Variants in RORA observed in about 807,000 individuals in gnomAD.
RORA encodes the protein RAR related orphan receptor A, also known as nuclear receptor ROR-alpha.
In RORA, 7 loss-of-function variants were observed where a neutral mutation model predicts 69.5. That is an observed-to-expected ratio of 0.10 (90% confidence interval 0.06 to 0.19). RORA has a LOEUF of 0.19. RORA is among the 10% of genes least tolerant of loss of function. The probability of loss-of-function intolerance (pLI) is 1.00; values close to 1 mark genes in which losing one functional copy is unlikely to be tolerated. For synonymous variants in RORA, 261 were observed against 240.8 expected (o/e 1.08, Z -0.78); for missense variants, 457 against 663.0 (o/e 0.69, Z 3.41).
intron 1 of RORA, among the ~76,000 whole-genome samples, chr15:60,702,071 G>A (rs115592898): frequency 6.6e-6 from 1 of 152,192 alleles, no homozygotes; most frequent in South Asian, 2.1e-4. Context: ...TTATAGCTGA[G>A]AGCACAGGCA....
chr15:60,804,839 G>C (rs1052275635), intron 1 of RORA, among the ~76,000 whole-genome samples: 2 of 152,182 alleles, frequency 1.3e-5, no homozygotes, highest in Admixed American at 1.3e-4. Flanking sequence ...ACAACTCTGT[G>C]ATAATAGCTC....
intron 1 of RORA, among the ~76,000 whole-genome samples, chr15:60,789,677 C>G (rs1387802203): frequency 6.6e-6 from 1 of 152,198 alleles, no homozygotes; most frequent in African/African-American, 2.4e-5. Context: ...AAATATCTAA[C>G]TTTTGCAAAT....
intron 2 of RORA, among the ~76,000 whole-genome samples, chr15:60,560,214 G>A (rs1296954693): frequency 6.6e-6 from 1 of 152,164 alleles, no homozygotes; most frequent in Non-Finnish European, 1.5e-5. Context: ...ACAAAACGCA[G>A]TCCATTTTAT....
chr15:61,163,855 A>G (rs557705156), intron 1 of RORA, among the ~76,000 whole-genome samples: 1 of 152,342 alleles, frequency 6.6e-6, no homozygotes, highest in African/African-American at 2.4e-5. Flanking sequence ...TTCTCCAAAA[A>G]GATTGTTGCC....
intron 1 of RORA, among the ~76,000 whole-genome samples, chr15:60,705,602 G>A (rs951157671): frequency 6.6e-6 from 1 of 152,170 alleles, no homozygotes; most frequent in Non-Finnish European, 1.5e-5. Flanking sequence ...AGAGGTGATT[G>A]TAGTGTCTAT....
intron 1 of RORA, among the ~76,000 whole-genome samples, chr15:60,809,030 G>T (rs1032874893): frequency 2.0e-4 from 30 of 152,024 alleles, no homozygotes; most frequent in African/African-American, 7.2e-4. Context: ...GGAAATGTTG[G>T]GGGGTGGCGA....
At chr15:60,971,431 G>A (rs1183764834) in intron 1 of RORA, among the ~76,000 whole-genome samples, 1 of 152,164 alleles carries the variant, frequency 6.6e-6, no homozygotes, top group Non-Finnish European at 1.5e-5. Flanking sequence ...GTCCCTAACT[G>A]CAGTGGGTGG....
At position 60,779,598 on chromosome 15, in the gene RORA, C is replaced by T. The variant is rs563189749; in HGVS notation, c.167-100912G>A. Reference sequence around the variant, plus strand: ...AAACAGATAGGTTAACAGGCCAACACATCTTGCAGCCTTTCACTATATGAA... The same window carrying T: ...AAACAGATAGGTTAACAGGCCAACATATCTTGCAGCCTTTCACTATATGAA... On this transcript the variant is annotated intron_variant, in intron 1 of 10. Transcript: ENST00000335670. Among the ~76,000 whole-genome samples, 4 of 152,360 alleles carry T rather than the reference C, an allele frequency of 2.6e-5. No individual in the cohort carries two copies. In the South Asian group the frequency reaches 6.2e-4, roughly 24 times the overall value.
chr15:60,873,105 C>A (rs1595781823), intron 1 of RORA, among the ~76,000 whole-genome samples: 1 of 152,110 alleles, frequency 6.6e-6, no homozygotes, highest in Admixed American at 6.5e-5. Context: ...TCAGCTGGTG[C>A]CCAGAGCCTC....
At chr15:61,175,630 T>C (rs1440115291) in intron 1 of RORA, among the ~76,000 whole-genome samples, 2 of 149,130 alleles carry the variant, frequency 1.3e-5, no homozygotes, top group African/African-American at 2.5e-5. Flanking sequence ...GCGTGGGGGA[T>C]TGCTTGAGCC....
intron 1 of RORA, among the ~76,000 whole-genome samples, chr15:60,856,817 G>A (rs115769724): frequency 3.3e-5 from 5 of 152,192 alleles, no homozygotes; most frequent in Non-Finnish European, 7.3e-5. Context: ...GCATGTGTTG[G>A]TAAGGACAGA....
At chr15:60,558,466 G>A in intron 2 of RORA, 1 of 537,356 alleles carries the variant, frequency 1.9e-6, no homozygotes, top group Non-Finnish European at 3.3e-6. Flanking sequence ...ATTAATGTCT[G>A]ACTGAATATT....
intron 2 of RORA, among the ~76,000 whole-genome samples, chr15:60,665,973 C>A (rs1372987850): frequency 6.6e-6 from 1 of 152,078 alleles, no homozygotes; most frequent in Non-Finnish European, 1.5e-5. Context: ...CTGTACCCAG[C>A]CTATTCTTTC....
At chr15:60,797,335 GGA>G (rs2072512997) in intron 1 of RORA, among the ~76,000 whole-genome samples, 1 of 152,086 alleles carries the variant, frequency 6.6e-6, no homozygotes, top group East Asian at 1.9e-4. Context: ...GAGGTGGCTG[GGA>G]GAAGGGACAG....
Position 60,537,387 on chromosome 15 carries a change from C to T in RORA, c.197-5536G>A, listed in dbSNP as rs1178014278. ...AGCCTGGAGAGAGGAAACCTTTCTT[C>T]AATCTGTCTACCCAGACAAGCTCCC... is the stretch of plus-strand genomic sequence containing the variant. On this transcript the variant is annotated intron_variant, in intron 2 of 10. Coordinates refer to ENST00000335670, the MANE Select transcript of RORA (RefSeq NM_134261.3). The surrounding 1 kb of genome is among the most constrained non-coding windows in gnomAD (Gnocchi z 4.9). 6.6e-6 allele frequency among the ~76,000 whole-genome samples: 1 copy of T among 152,214 alleles called. No homozygotes were observed. The highest frequency in any genetic ancestry group is 1.5e-5 in the Non-Finnish European group (1 of 68,032).
At chr15:60,612,655 CTCTCTGTTT>C (rs1208708705) in intron 2 of RORA, among the ~76,000 whole-genome samples, 2 of 132,652 alleles carry the variant, frequency 1.5e-5, no homozygotes, top group Non-Finnish European at 3.1e-5. Flanking sequence ...CTCTCTCTCT[CTCTCTGTTT>C]TTTTTTTTTT....
rs552508717 is a variant in RORA at position 61,226,093 on chromosome 15, C to A, written c.166+2960G>T. On this transcript the variant is annotated intron_variant, in intron 1 of 10. Transcript: ENST00000335670. The surrounding 1 kb of genome is among the most constrained non-coding windows in gnomAD (Gnocchi z 4.2). The stretch of plus-strand genomic sequence containing the variant: ...CACAGTGCATCCACACTTGGATTCC[C>A]AAGAGGGAGGAATTCAACAGTAGCC... Among the ~76,000 whole-genome samples the A allele has an allele frequency of 9.2e-5, 14 of 152,256 alleles. No individual in the cohort carries two copies. The highest frequency in any genetic ancestry group is 3.4e-4 in the African/African-American group (14 of 41,534).
At position 60,783,920 on chromosome 15, in the gene RORA, T is replaced by A. The variant is rs181525821; in HGVS notation, c.167-105234A>T. ...TTTTCAAGACTGGCAAAGAAGAGAA[T>A]TTGTACGCATGATAATAAACCATTC... is the stretch of plus-strand genomic sequence containing the variant. On this transcript the variant is annotated intron_variant, in intron 1 of 10. Transcript: ENST00000335670. 5.9e-5 allele frequency among the ~76,000 whole-genome samples: 9 copies of A among 152,336 alleles called. No individual in the cohort carries two copies. In the East Asian group the frequency reaches 1.7e-3, roughly 29 times the overall value.
rs148911947 is a variant in RORA, at chr15:60,605,603, T to C, written c.196+73054A>G. ...TACGATGATCAGATATGATTAATGA[T>C]ACGATTTAAGATTATTGGTCTTTAA... On this transcript the variant is annotated intron_variant, in intron 2 of 10. Coordinates refer to ENST00000335670, the MANE Select transcript of RORA (RefSeq NM_134261.3). Among the ~76,000 whole-genome samples the C allele has an allele frequency of 1.4e-3, 214 of 152,330 alleles. 1 individual carries two copies. In the East Asian group the frequency reaches 0.016, roughly 12 times the overall value.
Sources: allele counts gnomAD v4.1 joint callset (sites outside exome capture counted in the v4.1 genomes callset), GRCh38; gene constraint gnomAD v4.1.1; non-coding constraint Gnocchi (gnomAD v3.1); transcripts MANE v1.5; gene names NCBI Gene and HGNC (gene_info 2026-07-23, HGNC 2026-07-21).